SFXN4: variants seen among roughly 807,000 people sequenced by gnomAD.
SFXN4 encodes the protein sideroflexin 4.
A neutral mutation model predicts 54.6 loss-of-function variants in SFXN4; 48 were observed. That is an observed-to-expected ratio of 0.88 (90% CI 0.70 to 1.12). SFXN4 has a LOEUF of 1.12. Ranked by LOEUF, SFXN4 falls within the 50% of genes most tolerant of loss-of-function variation. The probability of loss-of-function intolerance (pLI) is 0.00; values close to 1 mark genes in which losing one functional copy is unlikely to be tolerated. For missense variants in SFXN4, 383 were observed against 409.2 expected, an observed-to-expected ratio of 0.94 and a Z score of 0.55; for synonymous variants, 130 against 145.5, an observed-to-expected ratio of 0.89 and a Z score of 0.77.
chr10:119,153,779 C>T (rs1160724495), intron 11 of SFXN4, among the ~76,000 whole-genome samples: 1 of 152,192 alleles, frequency 6.6e-6, no homozygotes, highest in East Asian at 1.9e-4. Flanking sequence ...CCTCACGGGT[C>T]ACCATGGCAA....
chr10:119,146,557 TTTTG>T (rs966991408), intron 12 of SFXN4, among the ~76,000 whole-genome samples: 28 of 151,828 alleles, frequency 1.8e-4, no homozygotes, highest in African/African-American at 5.8e-4. Context: ...TTTTTGTTGT[TTTTG>T]TTTGTTTGTT....
At chr10:119,159,678 C>A (rs928690280) in intron 6 of SFXN4, 50 bp downstream of exon 6, 1 of 1,596,990 alleles carries the variant, frequency 6.3e-7, no homozygotes, top group Non-Finnish European at 8.6e-7. Context: ...AGGAGAGTGG[C>A]CATCTTCCCA....
chr10:119,144,181 G>T (rs1846681125), intron 13 of SFXN4, among the ~76,000 whole-genome samples: 1 of 152,182 alleles, frequency 6.6e-6, no homozygotes, highest in Admixed American at 6.5e-5. Flanking sequence ...TATCAGCCGG[G>T]CGTGGTGGCT....
At chr10:119,150,741 TAGGTC>T (rs1273748999) in intron 11 of SFXN4, among the ~76,000 whole-genome samples, 1 of 152,150 alleles carries the variant, frequency 6.6e-6, no homozygotes, top group Non-Finnish European at 1.5e-5. Context: ...GCTTTATGAA[TAGGTC>T]AGAGCAATAC....
rs994053374 is a variant in SFXN4 at position 119,160,636 on chromosome 10, C to T, written c.334+279G>A. The stretch of plus-strand genomic sequence containing the variant: ...CGGAGTTTCACTCTTGTTGCCCAGG[C>T]TGGAGCGCAATGGCATGATCTCAGC... On this transcript the variant is annotated intron_variant, in intron 5 of 13. Transcript: ENST00000355697. 3.8e-5 allele frequency among the ~76,000 whole-genome samples: 5 copies of T among 130,974 alleles called. No individual in the cohort carries two copies. In the East Asian group the frequency reaches 7.2e-4, roughly 19 times the overall value. 85.9% of individuals were successfully genotyped at this position (130,974 alleles called of 152,430 possible). A position where few individuals can be genotyped will look rare whatever the true frequency, so the allele number is the denominator to read the frequency against.
Position 119,165,531 on chromosome 10 carries a change from C to A in SFXN4, c.111+6G>T. 1.3e-6 allele frequency: 2 copies of A among 1,578,860 alleles called. No individual in the cohort carries two copies. The highest frequency in any genetic ancestry group is 8.6e-7 in the Non-Finnish European group (1 of 1,167,324). On this transcript the variant is annotated splice_donor_region_variant and intron_variant, in intron 1 of 13. Coordinates refer to ENST00000355697, the MANE Select transcript of SFXN4 (RefSeq NM_213649.2). ...TGCCCCTAGTCGCGCCGGGCCCGGG[C>A]CGTACTTGGCGCTCGGTGATCCAGA...
chr10:119,140,858 G>T lies in SFXN4; in HGVS notation c.*384C>A. 5.9e-6 allele frequency: 1 copy of T among 168,274 alleles called. No individual in the cohort carries two copies. The highest frequency in any genetic ancestry group is 1.3e-5 in the Non-Finnish European group (1 of 78,324). The allele number at this position is 168,274 out of a possible 1,614,324, so 10.4% of individuals were successfully genotyped here. ...ACAGCGCCCCAGGGGTACGTGTTCC[G>T]CTTGAGACGGCCTATCCATTTAACA... On this transcript the variant is annotated 3_prime_UTR_variant, in exon 14 of 14. Coordinates refer to ENST00000355697, the MANE Select transcript of SFXN4 (RefSeq NM_213649.2).
Position 119,156,710 on chromosome 10 carries a change from C to G in SFXN4, c.584G>C (p.Trp195Ser). The change falls in exon 10 of 14, where the codon TGG becomes TCG. Residue 195 changes from tryptophan (W) to serine (S), a missense_variant. Physicochemically the swap from Trp to Ser is radical, Grantham distance 177 (BLOSUM62 -3). Coordinates refer to ENST00000355697, the MANE Select transcript of SFXN4 (RefSeq NM_213649.2). ...GATCACAGGTAAGAGTCTTTTAATC[C>G]AAGGGCCAGTCAGGCCATACTTCAT... The part of the protein sequence containing the change: ...VQMKYGLTGP[W>S]IKRLLPVIFL... 6.2e-7 allele frequency: 1 copy of G among 1,611,600 alleles called. No individual in the cohort carries two copies. The highest frequency in any genetic ancestry group is 8.5e-7 in the Non-Finnish European group (1 of 1,178,822).
intron 13 of SFXN4, among the ~76,000 whole-genome samples, chr10:119,143,734 C>T (rs1463542871): frequency 2.0e-5 from 3 of 152,102 alleles, no homozygotes; most frequent in Non-Finnish European, 2.9e-5. Flanking sequence ...ACTTGGGCTT[C>T]CCAGAGTGCT....
At position 119,159,709 on chromosome 10, in the gene SFXN4, C is replaced by G. The variant is rs532106354; in HGVS notation, c.360+19G>C. 1 of 1,613,834 alleles carries G rather than the reference C, an allele frequency of 6.2e-7. No homozygotes were observed. The highest frequency in any genetic ancestry group is 2.2e-5 in the East Asian group (1 of 44,854). On this transcript the variant is annotated intron_variant, in intron 6 of 13. Transcript: ENST00000355697. ...TCCCAAGCCCCTAGTCTCCTAACGG[C>G]AAATGTCTGCTTGCTCACCGTGGGT...
At chr10:119,155,307 T>C in intron 10 of SFXN4, 130 bp from the exon 11 acceptor site, 1 of 656,950 alleles carries the variant, frequency 1.5e-6, no homozygotes, top group Non-Finnish European at 2.8e-6. Context: ...GACCCTCAGG[T>C]GGACACCTGC....
intron 6 of SFXN4, among the ~76,000 whole-genome samples, chr10:119,159,329 G>A (rs59818682): frequency 0.012 from 1,871 of 152,216 alleles, 41 homozygotes; most frequent in African/African-American, 0.043. Context: ...CAAGGGCCAA[G>A]GTGAGAAAAG....
rs72832455 is a variant in SFXN4 at position 119,141,097 on chromosome 10, G to A, written c.*145C>T. ...ACCCCAGAGACGCCAGCCTGGGAAC[G>A]ATCTCAGTATGGAATCTGAAGTCGC... On this transcript the variant is annotated 3_prime_UTR_variant, in exon 14 of 14. Coordinates refer to ENST00000355697, the MANE Select transcript of SFXN4 (RefSeq NM_213649.2). 3,726 of 584,390 alleles carry A rather than the reference G, an allele frequency of 6.4e-3. 26 individuals carry two copies. The highest frequency in any genetic ancestry group is 0.018 in the Middle Eastern group (65 of 3,598). 36.2% of individuals were successfully genotyped at this position (584,390 alleles called of 1,614,324 possible). A position where few individuals can be genotyped will look rare whatever the true frequency, so the allele number is the denominator to read the frequency against.
chr10:119,156,654 C>A, intron 10 of SFXN4, 24 bp downstream of exon 10: 1 of 1,580,574 alleles, frequency 6.3e-7, no homozygotes, highest in East Asian at 2.3e-5. Flanking sequence ...ACCCAGACTG[C>A]AGCCTCCAGC....
At chr10:119,148,820 C>T (rs769208726) in intron 11 of SFXN4, among the ~76,000 whole-genome samples, 5 of 152,140 alleles carry the variant, frequency 3.3e-5, no homozygotes, top group Non-Finnish European at 5.9e-5. Context: ...CTCAAGGGCA[C>T]TTTAAGGGAC....
At chr10:119,145,600 G>T (rs1319618627) in intron 13 of SFXN4, among the ~76,000 whole-genome samples, 2 of 151,986 alleles carry the variant, frequency 1.3e-5, no homozygotes, top group Non-Finnish European at 2.9e-5. Flanking sequence ...CACCGCGCCT[G>T]GCCTGATTTT....
rs757309611 is a variant in SFXN4, at chr10:119,160,923, C to T, written c.326G>A (p.Arg109Gln). 6 of 1,613,936 alleles carry T rather than the reference C, an allele frequency of 3.7e-6. No individual in the cohort carries two copies. The highest frequency in any genetic ancestry group is 5.1e-6 in the Non-Finnish European group (6 of 1,179,980). ...AATTAGAACCAACTCACCTGCAGGT[C>T]GAAAAAGCTTGGGGATCAGGTTGCT... ...DSSNLIPKLF[R>Q]PAAFLPFMAP... Residue 109 changes from arginine to glutamine, a missense_variant, in exon 5 of 14, where the codon CGA (arginine) becomes CAA (glutamine). Physicochemically the swap from Arg to Gln is conservative, Grantham distance 43. Transcript: ENST00000355697.
chr10:119,150,037 C>T (rs1374458785), intron 11 of SFXN4, among the ~76,000 whole-genome samples: 2 of 152,096 alleles, frequency 1.3e-5, no homozygotes, highest in East Asian at 1.9e-4. Flanking sequence ...TTGCTGGTTA[C>T]GCAGTTTCTG....
chr10:119,163,231 TTC>T (rs1253540171), intron 2 of SFXN4, among the ~76,000 whole-genome samples: 1 of 129,626 alleles, frequency 7.7e-6, no homozygotes, highest in East Asian at 2.4e-4. Flanking sequence ...ATTTTCTTTC[TTC>T]TTTTTTTTTT....
Sources: gnomAD v4.1 joint callset for allele counts (sites outside exome capture counted in the v4.1 genomes callset) on GRCh38, gnomAD v4.1.1 for gene constraint, MANE v1.5 for transcripts, NCBI Gene and HGNC (gene_info 2026-07-23, HGNC 2026-07-21) for gene names.